The following ARHGAP21 variants were observed in gnomAD, a reference collection of about 807,000 sequenced individuals.
The protein encoded by ARHGAP21 is Rho GTPase activating protein 21.
In ARHGAP21, 38 loss-of-function variants were observed where a neutral mutation model predicts 164.6. That is an observed-to-expected ratio of 0.23 (90% CI 0.18 to 0.30). The LOEUF is 0.30. Ranked by LOEUF, ARHGAP21 falls within the 10% of genes least tolerant of loss-of-function variation. ARHGAP21 has a pLI of 1.00. For synonymous variants in ARHGAP21, 766 were observed against 857.9 expected, an observed-to-expected ratio of 0.89 and a Z score of 1.87; for missense variants, 1,822 against 2,370.7, an observed-to-expected ratio of 0.77 and a Z score of 4.81.
At chr10:24,590,958 AAAG>A (rs1375040419) in intron 24 of ARHGAP21, 9 of 938,644 alleles carry the variant, frequency 9.6e-6, no homozygotes, top group Admixed American at 1.2e-4. Flanking sequence ...AAAAAAAAAA[AAAG>A]AACAAAACAG....
At chr10:24,654,159 C>G (rs553317977) in intron 4 of ARHGAP21, among the ~76,000 whole-genome samples, 1 of 152,302 alleles carries the variant, frequency 6.6e-6, no homozygotes, top group South Asian at 2.1e-4. Flanking sequence ...GACAAACCCA[C>G]AGCCAATATC....
chr10:24,591,171 T>C (rs2076313624), intron 24 of ARHGAP21, 54 bp downstream of exon 24: 1 of 1,371,630 alleles, frequency 7.3e-7, no homozygotes, highest in Non-Finnish European at 1.0e-6. Flanking sequence ...CTCTTTCATA[T>C]TGTAAGAATG....
At chr10:24,616,832 G>A (rs1394462228) in intron 9 of ARHGAP21, among the ~76,000 whole-genome samples, 1 of 152,194 alleles carries the variant, frequency 6.6e-6, no homozygotes, top group African/African-American at 2.4e-5. Flanking sequence ...AAAAGAAGTT[G>A]AAATTTATTT....
chr10:24,613,108 CA>C (rs1356666254), intron 9 of ARHGAP21, among the ~76,000 whole-genome samples: 4 of 151,730 alleles, frequency 2.6e-5, no homozygotes, highest in Admixed American at 2.6e-4. Flanking sequence ...ACTCCCTAGG[CA>C]AATTTAAATG....
rs771941743 is a variant in ARHGAP21, at chr10:24,717,487, C to T, written c.63+4350G>A. ...ACTAGGGGCAACTGAAAGAGTCTTG[C>T]GGGTCAGGGAAGGCTTTCCTGAGGA... On this transcript the variant is annotated intron_variant, in intron 2 of 25. Coordinates refer to ENST00000396432, the MANE Select transcript of ARHGAP21 (RefSeq NM_020824.4). Among the ~76,000 whole-genome samples the T allele has an allele frequency of 2.6e-5, 4 of 151,954 alleles. No homozygotes were observed. The South Asian group carries it at 8.3e-4, about 32-fold the overall frequency.
chr10:24,721,494 C>T (rs1462040448), intron 2 of ARHGAP21, among the ~76,000 whole-genome samples: 1 of 152,152 alleles, frequency 6.6e-6, no homozygotes, highest in East Asian at 1.9e-4. Flanking sequence ...CCAAATATCT[C>T]GGAAGGGGAC....
Position 24,600,776 on chromosome 10 carries a change from C to A in ARHGAP21, c.3002G>T (p.Ser1001Ile), listed in dbSNP as rs1463244144. 6.2e-7 allele frequency: 1 copy of A among 1,613,932 alleles called. No individual in the cohort carries two copies. Among genetic ancestry groups the A allele is most frequent in the African/African-American group, 1.3e-5 (1 of 74,918 alleles). Residue 1001 changes from serine to isoleucine, a missense_variant, in exon 14 of 26, where the codon AGT (serine) becomes ATT (isoleucine). Physicochemically the swap from Ser to Ile is moderately radical, Grantham distance 142. Transcript: ENST00000396432. ...AAACACATTTTTCCTCTTGGTCTCA[C>A]TGTAAGAGATGTCTATCAAGCAAGC... ...VNACLIDISY[S>I]ETKRKNVFRL...
chr10:24,606,977 A>T (rs2077052615), intron 11 of ARHGAP21, among the ~76,000 whole-genome samples: 1 of 152,214 alleles, frequency 6.6e-6, no homozygotes, highest in Non-Finnish European at 1.5e-5. Context: ...ATAGCATAAG[A>T]TTTGATCAAT....
At chr10:24,678,903 C>A (rs552837229) in intron 2 of ARHGAP21, among the ~76,000 whole-genome samples, 16 of 152,266 alleles carry the variant, frequency 1.1e-4, no homozygotes, top group Admixed American at 5.2e-4. Flanking sequence ...TAGAATAATT[C>A]TCTGGACATT....
At position 24,648,639 on chromosome 10, in the gene ARHGAP21, G is replaced by A. The variant is rs563632074; in HGVS notation, c.269-13536C>T. Among the ~76,000 whole-genome samples, 32 of 152,222 alleles carry A rather than the reference G, an allele frequency of 2.1e-4. No individual in the cohort carries two copies. The South Asian group carries it at 6.4e-3, about 31-fold the overall frequency. On this transcript the variant is annotated intron_variant, in intron 4 of 25. Coordinates refer to ENST00000396432, the MANE Select transcript of ARHGAP21 (RefSeq NM_020824.4). ...TACTAAAAATACAAAAATTAGCCAG[G>A]CGTGGTGGTAGGTGCCTATAAACCC...
At chr10:24,710,918 A>C (rs1212021218) in intron 2 of ARHGAP21, among the ~76,000 whole-genome samples, 2 of 151,956 alleles carry the variant, frequency 1.3e-5, no homozygotes, top group Non-Finnish European at 2.9e-5. Flanking sequence ...ACATGGCGAA[A>C]CCCCATCTCT....
At chr10:24,617,535 G>C (rs533646534) in intron 9 of ARHGAP21, among the ~76,000 whole-genome samples, 1 of 152,016 alleles carries the variant, frequency 6.6e-6, no homozygotes, top group African/African-American at 2.4e-5. Context: ...TTGGCCTTAG[G>C]GGTATAGATA....
At chr10:24,610,374 A>C (rs568873433) in intron 9 of ARHGAP21, among the ~76,000 whole-genome samples, 358 of 61,058 alleles carry the variant, frequency 5.9e-3, no homozygotes, top group Middle Eastern at 0.037. Context: ...CTCTGTCACA[A>C]AAAAAAAAAA....
intron 2 of ARHGAP21, among the ~76,000 whole-genome samples, chr10:24,696,372 AG>A (rs1470162831): frequency 1.3e-5 from 2 of 152,212 alleles, no homozygotes; most frequent in African/African-American, 4.8e-5. Flanking sequence ...ATGAGGGAAA[AG>A]AATCTCCTGA....
chr10:24,629,337 C>T (rs1395323963), intron 7 of ARHGAP21: 1 of 151,826 alleles, frequency 6.6e-6, no homozygotes, highest in Non-Finnish European at 1.5e-5. Context: ...AGTATTTAAG[C>T]TTAGTAAAGG....
chr10:24,650,541 T>G (rs923611915), intron 4 of ARHGAP21, among the ~76,000 whole-genome samples: 1 of 152,072 alleles, frequency 6.6e-6, no homozygotes, highest in African/African-American at 2.4e-5. Flanking sequence ...ACCTTTCAAG[T>G]AGAAAGTATA....
chr10:24,590,306 A>ACTTTACACCACAGATCAAC, intron 24 of ARHGAP21: 1 of 1,534,372 alleles, frequency 6.5e-7, no homozygotes. Flanking sequence ...CTTATGAGAA[A>ACTTTACACCACAGATCAAC]CTTTACACCA....
intron 2 of ARHGAP21, among the ~76,000 whole-genome samples, chr10:24,675,065 G>A (rs886907503): frequency 7.9e-5 from 12 of 152,080 alleles, no homozygotes; most frequent in African/African-American, 2.7e-4. Flanking sequence ...ATATGACACC[G>A]CCATTCTACT....
intron 14 of ARHGAP21, among the ~76,000 whole-genome samples, chr10:24,598,740 C>G (rs2076688300): frequency 6.6e-6 from 1 of 151,274 alleles, no homozygotes; most frequent in Non-Finnish European, 1.5e-5. Flanking sequence ...ACAAAGAATA[C>G]AGTCTTTAAA....
Sources: allele counts gnomAD v4.1 joint callset (sites outside exome capture counted in the v4.1 genomes callset), GRCh38; gene constraint gnomAD v4.1.1; transcripts MANE v1.5; gene names NCBI Gene and HGNC (gene_info 2026-07-23, HGNC 2026-07-21).